The following WWC1 variants were observed in gnomAD, a reference collection of about 807,000 sequenced individuals.
WWC1 encodes the protein WW and C2 domain containing 1.
Under a neutral mutation model 138.4 loss-of-function variants are expected in WWC1, and 55 were observed. The observed-to-expected ratio is 0.40, with a 90% CI of 0.32 to 0.50. The LOEUF (loss-of-function observed/expected upper bound fraction) is 0.50. Among genes scored for constraint, WWC1 ranks in the 20% least tolerant of loss-of-function variants. The probability of loss-of-function intolerance (pLI) is 0.72; values close to 1 mark genes in which losing one functional copy is unlikely to be tolerated. For missense variants in WWC1, 1,226 were observed against 1,420.4 expected (o/e 0.86, Z 2.20); for synonymous variants, 524 against 564.9 (o/e 0.93, Z 1.03).
chr5:168,292,567 C>T lies in WWC1; in HGVS notation c.119+296C>T, dbSNP rs1769153153. 6.6e-6 allele frequency among the ~76,000 whole-genome samples: 1 copy of T among 152,018 alleles called. No homozygotes were observed. Among genetic ancestry groups the T allele is most frequent in the South Asian group, 2.1e-4 (1 of 4,824 alleles). ...CCGGAGTTTTGACCTTAAGCTCTAG[C>T]CCCGCCCGCCCCCTTTAGGAAGAGA... On this transcript the variant is annotated intron_variant, in intron 1 of 22. Transcript: ENST00000265293. The surrounding 1 kb of genome is among the most constrained non-coding windows in gnomAD (Gnocchi z 4.4).
chr5:168,321,862 A>G (rs983370668), intron 1 of WWC1, among the ~76,000 whole-genome samples: 4 of 152,126 alleles, frequency 2.6e-5, no homozygotes, highest in South Asian at 2.1e-4. Flanking sequence ...TTTTGAATCA[A>G]TTGTTCTGTT....
intron 19 of WWC1, among the ~76,000 whole-genome samples, chr5:168,458,272 C>T (rs1430325522): frequency 6.6e-6 from 1 of 152,172 alleles, no homozygotes; most frequent in Non-Finnish European, 1.5e-5. Flanking sequence ...AAACTCAAAG[C>T]ACTGTGCTCT....
intron 2 of WWC1, among the ~76,000 whole-genome samples, chr5:168,378,527 T>C (rs1220667209): frequency 6.6e-6 from 1 of 152,234 alleles, no homozygotes; most frequent in Non-Finnish European, 1.5e-5. Flanking sequence ...TAAATAGCAC[T>C]CAGGGAAGAC....
rs893399135 is a variant in WWC1 at position 168,318,807 on chromosome 5, G to A, written c.119+26536G>A. On this transcript the variant is annotated intron_variant, in intron 1 of 22. Transcript: ENST00000265293. ...ACTTCTAACCTCAGGTGATCTGCCC[G>A]CCTTGGCCTCCCAAAGTGCTGGGAT... is the stretch of plus-strand genomic sequence containing the variant. Among the ~76,000 whole-genome samples the A allele has an allele frequency of 1.1e-4, 17 of 151,964 alleles. No homozygotes were observed. The Middle Eastern group carries it at 9.5e-3, about 85-fold the overall frequency.
rs546070275 is a variant in WWC1, at chr5:168,423,078, G to A, written c.1275-455G>A. Among the ~76,000 whole-genome samples, 7 of 148,250 alleles carry A rather than the reference G, an allele frequency of 4.7e-5. No homozygotes were observed. The South Asian group carries it at 6.5e-4, about 14-fold the overall frequency. ...GGAGAATTGCTTAAACCCAGGAGGC[G>A]GAGGTTGCAGTGAGCCGAGATCGCC... On this transcript the variant is annotated intron_variant, in intron 10 of 22. Transcript: ENST00000265293.
chr5:168,380,626 A>G (rs1777557525), intron 2 of WWC1, among the ~76,000 whole-genome samples: 1 of 152,168 alleles, frequency 6.6e-6, no homozygotes, highest in South Asian at 2.1e-4. Flanking sequence ...GTTTCTTATG[A>G]AATTCGACAT....
chr5:168,429,533 A>C (rs1033498203), intron 13 of WWC1, among the ~76,000 whole-genome samples: 7 of 152,172 alleles, frequency 4.6e-5, no homozygotes, highest in Non-Finnish European at 8.8e-5. Flanking sequence ...TGCTGAGATT[A>C]CAGGCATGAG....
At chr5:168,397,419 A>G (rs998850596) in intron 3 of WWC1, among the ~76,000 whole-genome samples, 2 of 152,174 alleles carry the variant, frequency 1.3e-5, no homozygotes, top group African/African-American at 4.8e-5. Flanking sequence ...CTGGGATTAT[A>G]AGCTTCAGCC....
At chr5:168,397,908 G>A in intron 4 of WWC1, 108 bp downstream of exon 4, 2 of 1,171,894 alleles carry the variant, frequency 1.7e-6, no homozygotes, top group Non-Finnish European at 1.3e-6. Context: ...GGCTATGACA[G>A]CCAGTGCTAG....
At position 168,292,143 on chromosome 5, in the gene WWC1, G is replaced by A; in HGVS notation, c.-10G>A. ...AGCTGCATGGGGGAGCGCCGGCAGCGCTTGGGAAGATGCCCCGGCCGGAGC... is the reference window on the plus strand; with the variant it reads ...AGCTGCATGGGGGAGCGCCGGCAGCACTTGGGAAGATGCCCCGGCCGGAGC... On this transcript the variant is annotated 5_prime_UTR_variant, in exon 1 of 23. Coordinates refer to ENST00000265293, the MANE Select transcript of WWC1 (RefSeq NM_015238.3). This position sits in a 1 kb window ranked among gnomAD's most constrained non-coding sequence, Gnocchi z 4.4. 1 of 1,537,232 alleles carries A rather than the reference G, an allele frequency of 6.5e-7. No individual in the cohort carries two copies.
rs1227395873 is a variant in WWC1, at chr5:168,439,928, G to A, written c.2281-1754G>A. On this transcript the variant is annotated intron_variant, in intron 15 of 22. Coordinates refer to ENST00000265293, the MANE Select transcript of WWC1 (RefSeq NM_015238.3). ...AATTTTTTAAACTTTTGCAAATTTA[G>A]TGGAGAAGAAATGATACACAGTTTT... Among the ~76,000 whole-genome samples the A allele has an allele frequency of 3.3e-5, 5 of 152,234 alleles. 1 individual carries two copies. In the South Asian group the frequency reaches 6.2e-4, roughly 19 times the overall value.
At chr5:168,402,502 GACCTC>G (rs1163859111) in intron 5 of WWC1, among the ~76,000 whole-genome samples, 2 of 152,196 alleles carry the variant, frequency 1.3e-5, no homozygotes, top group Non-Finnish European at 2.9e-5. Context: ...CTGGGGTGGT[GACCTC>G]TAGCTGGTTG....
intron 17 of WWC1, among the ~76,000 whole-genome samples, chr5:168,445,372 C>T (rs925452589): frequency 2.0e-5 from 3 of 151,564 alleles, no homozygotes; most frequent in Non-Finnish European, 4.4e-5. Flanking sequence ...ATTGCTTGAA[C>T]CCACAGTGAA....
At chr5:168,313,577 C>T (rs1376847612) in intron 1 of WWC1, among the ~76,000 whole-genome samples, 5 of 149,516 alleles carry the variant, frequency 3.3e-5, no homozygotes, top group Admixed American at 1.3e-4. Context: ...GGTGACAGAG[C>T]GAGACTGTCT....
Position 168,442,439 on chromosome 5 carries a change from CAAAAA to C in WWC1, c.2433+619_2433+623del, listed in dbSNP as rs11430085. ...GCAACATGGTGAGGCCTTGTCTCTA[CAAAAA>C]AAAAAAAAAAAAATTTAATTAAAAA... On this transcript the variant is annotated intron_variant, in intron 16 of 22. Coordinates refer to ENST00000265293, the MANE Select transcript of WWC1 (RefSeq NM_015238.3). 7.2e-3 allele frequency among the ~76,000 whole-genome samples: 699 copies of C among 97,242 alleles called. 4 individuals are homozygous for C. Among genetic ancestry groups the C allele is most frequent in the African/African-American group, 0.027 (675 of 25,198 alleles). 63.8% of individuals were successfully genotyped at this position (97,242 alleles called of 152,430 possible).
At chr5:168,333,062 C>T (rs1773171096) in intron 1 of WWC1, among the ~76,000 whole-genome samples, 1 of 152,220 alleles carries the variant, frequency 6.6e-6, no homozygotes. Flanking sequence ...TCAAGCCCCA[C>T]CTCAGACCTC....
At chr5:168,319,055 C>G (rs1771846199) in intron 1 of WWC1, among the ~76,000 whole-genome samples, 1 of 152,226 alleles carries the variant, frequency 6.6e-6, no homozygotes, top group East Asian at 1.9e-4. Context: ...ATCAGTTCAT[C>G]TGTTGGTGGA....
intron 1 of WWC1, among the ~76,000 whole-genome samples, chr5:168,324,325 C>G (rs1483218834): frequency 1.3e-5 from 2 of 152,026 alleles, no homozygotes; most frequent in Non-Finnish European, 2.9e-5. Context: ...CCCACCTACT[C>G]AGGAGGCCGA....
At chr5:168,407,854 G>A (rs940852911) in intron 6 of WWC1, among the ~76,000 whole-genome samples, 1 of 151,354 alleles carries the variant, frequency 6.6e-6, no homozygotes, top group Non-Finnish European at 1.5e-5. Flanking sequence ...GATAGGACCT[G>A]CGATTCTTCC....
Sources: gnomAD v4.1 joint callset for allele counts (sites outside exome capture counted in the v4.1 genomes callset) on GRCh38, gnomAD v4.1.1 for gene constraint, Gnocchi (gnomAD v3.1) non-coding constraint, MANE v1.5 for transcripts, NCBI Gene and HGNC (gene_info 2026-07-23, HGNC 2026-07-21) for gene names.